COL4A4: variants seen among roughly 807,000 people sequenced by gnomAD.
The protein encoded by COL4A4 is collagen alpha-4(IV) chain.
A neutral mutation model predicts 192.9 loss-of-function variants in COL4A4; 105 were observed. The ratio of observed to expected loss-of-function variants is 0.54; its 90% CI spans 0.46 to 0.64. COL4A4 has a LOEUF of 0.64. COL4A4 is among the 30% of genes least tolerant of loss of function. The probability of loss-of-function intolerance (pLI) is 0.00; values close to 1 mark genes in which losing one functional copy is unlikely to be tolerated. For synonymous variants in COL4A4, 762 were observed against 769.9 expected (o/e 0.99, Z 0.17); for missense variants, 1,967 against 2,169.3 (o/e 0.91, Z 1.85).
At chr2:227,041,794 A>AAG (rs1971090958) in intron 37 of COL4A4, among the ~76,000 whole-genome samples, 3 of 55,928 alleles carry the variant, frequency 5.4e-5, no homozygotes, top group African/African-American at 2.5e-4. Context: ...AAGGGAAAGA[A>AAG]AGAAAGAAAG....
chr2:227,114,735 C>T (rs760928999), intron 7 of COL4A4, 39 bp from the exon 8 acceptor site: 2 of 1,442,808 alleles, frequency 1.4e-6, no homozygotes. Flanking sequence ...AGGAAAATAG[C>T]ATATTACCAT....
chr2:227,159,307 GA>G (rs2125541753), intron 1 of COL4A4, among the ~76,000 whole-genome samples: 1 of 152,306 alleles, frequency 6.6e-6, no homozygotes, highest in Admixed American at 6.5e-5. Context: ...GTAGTGGTCT[GA>G]GGATGGGGTT....
intron 1 of COL4A4, among the ~76,000 whole-genome samples, chr2:227,155,559 A>G (rs1240076969): frequency 6.6e-6 from 1 of 152,166 alleles, no homozygotes; most frequent in African/African-American, 2.4e-5. Context: ...GATTTTCCCC[A>G]TAAGTAGGGC....
In COL4A4 at chr2:227,007,995, G is replaced by T. The variant is rs1002918869; in HGVS notation, c.4809+23C>A. 41 of 1,604,888 alleles carry T rather than the reference G, an allele frequency of 2.6e-5. No homozygotes were observed. In the Middle Eastern group the frequency reaches 4.9e-4, roughly 19 times the overall value. On this transcript the variant is annotated intron_variant, in intron 47 of 47. Coordinates refer to ENST00000396625, the MANE Select transcript of COL4A4 (RefSeq NM_000092.5). ...GTTAGGAAATGGTGAATGAGCCAGG[G>T]TTTTCAAGGGCACGGGACTCACCAT...
At chr2:227,150,351 T>G (rs553042873) in intron 1 of COL4A4, among the ~76,000 whole-genome samples, 1 of 152,228 alleles carries the variant, frequency 6.6e-6, no homozygotes, top group African/African-American at 2.4e-5. Context: ...AAAAAGTGAA[T>G]CAATTTAAGT....
At chr2:227,014,368 A>T (rs1289597830) in intron 44 of COL4A4, among the ~76,000 whole-genome samples, 1 of 152,194 alleles carries the variant, frequency 6.6e-6, no homozygotes, top group East Asian at 1.9e-4. Context: ...AGTCCCAGGA[A>T]CCACACGTTG....
intron 37 of COL4A4, among the ~76,000 whole-genome samples, chr2:227,036,909 T>G (rs1455611684): frequency 6.6e-6 from 1 of 152,186 alleles, no homozygotes; most frequent in East Asian, 1.9e-4. Flanking sequence ...TATGAAACAT[T>G]TTACTTGCTA....
chr2:227,018,435 G>A (rs1239114247), intron 44 of COL4A4, among the ~76,000 whole-genome samples: 1 of 152,202 alleles, frequency 6.6e-6, no homozygotes, highest in Non-Finnish European at 1.5e-5. Context: ...TGGACGGGAT[G>A]AGCAATACAG....
intron 37 of COL4A4, 36 bp from the exon 38 acceptor site, chr2:227,033,517 A>G (rs1319755923): frequency 3.8e-6 from 6 of 1,582,736 alleles, no homozygotes; most frequent in Admixed American, 1.7e-5. Flanking sequence ...CCAAAGGAAG[A>G]CCAGCCACCG....
intron 32 of COL4A4, among the ~76,000 whole-genome samples, chr2:227,051,506 T>G (rs1179941144): frequency 6.6e-6 from 1 of 152,210 alleles, no homozygotes; most frequent in Non-Finnish European, 1.5e-5. Context: ...AGACTAAGTC[T>G]GACCTTGGAG....
intron 4 of COL4A4, among the ~76,000 whole-genome samples, chr2:227,122,934 G>A (rs752001149): frequency 1.2e-4 from 18 of 151,914 alleles, no homozygotes; most frequent in African/African-American, 2.7e-4. Flanking sequence ...GTGTGATCGC[G>A]GCTCACTGCA....
At chr2:227,011,399 A>C (rs1248541994) in intron 45 of COL4A4, among the ~76,000 whole-genome samples, 2 of 152,166 alleles carry the variant, frequency 1.3e-5, no homozygotes, top group African/African-American at 4.8e-5. Context: ...GAACGAAGAG[A>C]GTGTAGAGTG....
intron 37 of COL4A4, among the ~76,000 whole-genome samples, chr2:227,041,928 G>T (rs1015428717): frequency 7.3e-6 from 1 of 136,118 alleles, no homozygotes; most frequent in Non-Finnish European, 1.6e-5. Context: ...GAAAGAAAAT[G>T]GTAGCACTAC....
intron 4 of COL4A4, among the ~76,000 whole-genome samples, chr2:227,136,946 G>A (rs1395570828): frequency 6.6e-6 from 1 of 151,476 alleles, no homozygotes; most frequent in Non-Finnish European, 1.5e-5. Context: ...GGCTGCTGAG[G>A]ACTTGACAGT....
chr2:227,152,281 G>T (rs1266613445), intron 1 of COL4A4, among the ~76,000 whole-genome samples: 1 of 152,150 alleles, frequency 6.6e-6, no homozygotes, highest in African/African-American at 2.4e-5. Context: ...GTGAAAACTT[G>T]GAAGAAACAC....
At chr2:227,001,074 G>T (rs1199699171), downstream of COL4A4, among the ~76,000 whole-genome samples, 1 of 151,826 alleles carries the variant, frequency 6.6e-6, no homozygotes, top group African/African-American at 2.4e-5. Flanking sequence ...AGGAGACACG[G>T]CTGGTTTTCA....
chr2:227,014,220 G>C (rs13415319), intron 44 of COL4A4, among the ~76,000 whole-genome samples: 66,359 of 151,930 alleles, frequency 0.44, 14,590 homozygotes, highest in South Asian at 0.58. Context: ...CGGTCCTACT[G>C]CTCCTGAGAA....
the COL4A4 span, among the ~76,000 whole-genome samples, chr2:226,972,929 C>CA: frequency 0.13 from 16,975 of 126,726 alleles, 1,115 homozygotes; most frequent in East Asian, 0.22. Flanking sequence ...AAGCCTGTAG[C>CA]AAAAAAAAAA....
intron 22 of COL4A4, among the ~76,000 whole-genome samples, chr2:227,087,341 T>C (rs1407640348): frequency 6.6e-6 from 1 of 152,192 alleles, no homozygotes; most frequent in Admixed American, 6.5e-5. Flanking sequence ...TACTGCCTAC[T>C]TGACTTCTTG....
Sources: allele counts gnomAD v4.1 joint callset (sites outside exome capture counted in the v4.1 genomes callset), GRCh38; gene constraint gnomAD v4.1.1; transcripts MANE v1.5; gene names NCBI Gene and HGNC (gene_info 2026-07-23, HGNC 2026-07-21).